The following ZNHIT1 variants were observed in gnomAD, a reference collection of about 807,000 sequenced individuals.
ZNHIT1 encodes zinc finger HIT domain-containing protein 1.
A neutral mutation model predicts 21.4 loss-of-function variants in ZNHIT1; 20 were observed. The observed-to-expected ratio is 0.93, with a 90% CI of 0.66 to 1.36. The LOEUF (loss-of-function observed/expected upper bound fraction) is 1.36. Ranked by LOEUF, ZNHIT1 falls within the 40% of genes most tolerant of loss-of-function variation. The probability of loss-of-function intolerance (pLI) is 0.00; values close to 1 mark genes in which losing one functional copy is unlikely to be tolerated. For missense variants in ZNHIT1, 170 were observed against 213.5 expected, an observed-to-expected ratio of 0.80 and a Z score of 1.27; for synonymous variants, 79 against 84.0, an observed-to-expected ratio of 0.94 and a Z score of 0.32.
In ZNHIT1 at chr7:101,222,362, G is replaced by T. The variant is rs1170712469; in HGVS notation, c.23-242G>T. 4 of 504,144 alleles carry T rather than the reference G, an allele frequency of 7.9e-6. No homozygotes were observed. The South Asian group carries it at 1.3e-4, about 17-fold the overall frequency. The allele number at this position is 504,144 out of a possible 1,614,324, so 31.2% of individuals were successfully genotyped here. The stretch of plus-strand genomic sequence containing the variant: ...GGCCGGGGCTCACTGGCTGGGACTG[G>T]GATTGAGAGGAAGGCGGAGAAAACA... On this transcript the variant is annotated intron_variant, in intron 1 of 4. Coordinates refer to ENST00000305105, the MANE Select transcript of ZNHIT1 (RefSeq NM_006349.3).
At position 101,223,504 on chromosome 7, in the gene ZNHIT1, A is replaced by T. The variant is rs1562899760; in HGVS notation, c.221A>T (p.Asp74Val). Residue 74 changes from aspartate to valine, a missense_variant, in exon 3 of 5, where the codon GAT becomes GTT. Transcript: ENST00000305105. ...AAGAAAAAGAAGAAAACCCGAGGTGATCATTTTAAACTTCGCTTCCGAAAA... is the reference window on the plus strand; with the variant it reads ...AAGAAAAAGAAGAAAACCCGAGGTGTTCATTTTAAACTTCGCTTCCGAAAA... ...TGKKKKKTRG[D>V]HFKLRFRKNF... 6.2e-7 allele frequency: 1 copy of T among 1,614,220 alleles called. No individual in the cohort carries two copies. Among genetic ancestry groups the T allele is most frequent in the African/African-American group, 1.3e-5 (1 of 75,060 alleles).
Position 101,218,497 on chromosome 7 carries a change from A to G in ZNHIT1, c.22+280A>G, listed in dbSNP as rs1211188896. On this transcript the variant is annotated intron_variant, in intron 1 of 4. Coordinates refer to ENST00000305105, the MANE Select transcript of ZNHIT1 (RefSeq NM_006349.3). ...GCTATGTTGCCCAGGTTGGTCTCCAACTCTTGGCCTCAAAGCGATCCTCCT... is the reference window on the plus strand; with the variant it reads ...GCTATGTTGCCCAGGTTGGTCTCCAGCTCTTGGCCTCAAAGCGATCCTCCT... 18 of 459,024 alleles carry G rather than the reference A, an allele frequency of 3.9e-5. No individual in the cohort carries two copies. In the East Asian group the frequency reaches 6.1e-4, roughly 15 times the overall value. 28.4% of individuals were successfully genotyped at this position (459,024 alleles called of 1,614,324 possible). A position where few individuals can be genotyped will look rare whatever the true frequency, so the allele number is the denominator to read the frequency against.
In ZNHIT1 at chr7:101,224,014, A is replaced by G. The variant is rs12410; in HGVS notation, c.*56A>G. On this transcript the variant is annotated 3_prime_UTR_variant, in exon 5 of 5. Coordinates refer to ENST00000305105, the MANE Select transcript of ZNHIT1 (RefSeq NM_006349.3). Reference sequence around the variant, plus strand: ...TGTGCACTGCCCGGCCTTCAGAAAGACAGAATTTCATCACCCAATGCAGGG... The same window carrying G: ...TGTGCACTGCCCGGCCTTCAGAAAGGCAGAATTTCATCACCCAATGCAGGG... 0.06 allele frequency: 96,211 copies of G among 1,613,364 alleles called. 3,134 individuals are homozygous for G. Among genetic ancestry groups the G allele is most frequent in the Non-Finnish European group, 0.067 (79,577 of 1,179,678 alleles).
chr7:101,218,179 A>AG lies in ZNHIT1; in HGVS notation c.-17_-16insG, dbSNP rs1798315462. On this transcript the variant is annotated 5_prime_UTR_variant, in exon 1 of 5. Coordinates refer to ENST00000305105, the MANE Select transcript of ZNHIT1 (RefSeq NM_006349.3). ...TACGCGTGCGCAGCAGTTTCTTCCG[A>AG]CAGTTGTGTTGTGCCAATGGTGGAG... 2 of 1,612,286 alleles carry AG rather than the reference A, an allele frequency of 1.2e-6. No individual in the cohort carries two copies. The highest frequency in any genetic ancestry group is 2.7e-5 in the African/African-American group (2 of 74,818).
Position 101,224,057 on chromosome 7 carries a change from A to G in ZNHIT1, c.*99A>G. On this transcript the variant is annotated 3_prime_UTR_variant, in exon 5 of 5. Transcript: ENST00000305105. Reference sequence around the variant, plus strand: ...ATGCAGGGGGAGCTCTTCCTGGACCAAGGGAGGAGCCGCTCATTCACCCAA... The same window carrying G: ...ATGCAGGGGGAGCTCTTCCTGGACCGAGGGAGGAGCCGCTCATTCACCCAA... 9 of 1,559,706 alleles carry G rather than the reference A, an allele frequency of 5.8e-6. No individual in the cohort carries two copies. Among genetic ancestry groups the G allele is most frequent in the Non-Finnish European group, 7.9e-6 (9 of 1,136,560 alleles).
Position 101,223,559 on chromosome 7 carries a change from G to A in ZNHIT1, c.273+3G>A. The A allele has an allele frequency of 6.2e-7, 1 of 1,614,212 alleles. No homozygotes were observed. The highest frequency in any genetic ancestry group is 1.1e-5 in the South Asian group (1 of 91,084). On this transcript the variant is annotated splice_donor_region_variant and intron_variant, in intron 3 of 4. Transcript: ENST00000305105. The stretch of plus-strand genomic sequence containing the variant: ...TTCAGGCCCTGTTGGAGGAGCAGGT[G>A]AGAGGAGGGTCGGCCTGGGAGGACC...
At chr7:101,223,346 C>T (rs1275816424) in intron 2 of ZNHIT1, 131 bp from the exon 3 acceptor site, 5 of 1,013,224 alleles carry the variant, frequency 4.9e-6, no homozygotes, top group Non-Finnish European at 7.4e-6. Context: ...CACTGCACTC[C>T]AGCCTGGGTG....
chr7:101,223,341 C>T (rs1798402978), intron 2 of ZNHIT1, 136 bp from the exon 3 acceptor site: 2 of 945,434 alleles, frequency 2.1e-6, no homozygotes, highest in Admixed American at 2.1e-5. Flanking sequence ...CGCACCACTG[C>T]ACTCCAGCCT....
chr7:101,223,115 G>C (rs1350605604), intron 2 of ZNHIT1, among the ~76,000 whole-genome samples: 1 of 152,194 alleles, frequency 6.6e-6, no homozygotes, highest in East Asian at 1.9e-4. Context: ...GCTCACGCCT[G>C]TAATCCCAGC....
chr7:101,219,167 C>T (rs1364697333), intron 1 of ZNHIT1: 2 of 151,880 alleles, frequency 1.3e-5, no homozygotes, highest in Non-Finnish European at 2.9e-5. Context: ...TGCAGTGGTT[C>T]TATATAACTC....
At chr7:101,220,367 C>A (rs1798351145) in intron 1 of ZNHIT1, 1 of 151,896 alleles carries the variant, frequency 6.6e-6, no homozygotes, top group Non-Finnish European at 1.5e-5. Context: ...AACAATCCAC[C>A]CACCTTGGCC....
intron 2 of ZNHIT1, 127 bp from the exon 3 acceptor site, chr7:101,223,350 C>G (rs1326154514): frequency 3.9e-6 from 4 of 1,033,480 alleles, no homozygotes; most frequent in Middle Eastern, 2.6e-4. Flanking sequence ...GCACTCCAGC[C>G]TGGGTGACAG....
At chr7:101,218,799 G>A (rs959446031) in intron 1 of ZNHIT1, 1 of 152,908 alleles carries the variant, frequency 6.5e-6, no homozygotes, top group African/African-American at 2.4e-5. Flanking sequence ...GAAGCACAGC[G>A]CCTGGGAACA....
rs1584261706 is a variant in ZNHIT1 at position 101,224,143 on chromosome 7, T to G, written c.*185T>G. ...TCACTCCTGGGAACTGTCTGGCAGG[T>G]AGGCTGGGCCCCCCAGTGCTGTTAG... On this transcript the variant is annotated 3_prime_UTR_variant, in exon 5 of 5. Transcript: ENST00000305105. 1.2e-6 allele frequency: 1 copy of G among 867,596 alleles called. No homozygotes were observed. The highest frequency in any genetic ancestry group is 2.6e-5 in the East Asian group (1 of 38,336). The allele number at this position is 867,596 out of a possible 1,614,324, so 53.7% of individuals were successfully genotyped here.
In ZNHIT1 at chr7:101,223,728, C is replaced by A. The variant is rs752727634; in HGVS notation, c.329C>A (p.Ser110Ter). Reference protein sequence around the residue: ...NYLTACAGPPSRPQRPFCAVC... With the variant: ...NYLTACAGPP ...CTGACGGCCTGTGCGGGACCCCCAT[C>A]GCGGCCCCAGCGCCCCTTCTGTGCT... Residue 110 changes from serine to a stop codon, truncating the protein, a stop_gained, in exon 4 of 5, where the codon TCG becomes TAG. Transcript: ENST00000305105. LOFTEE classifies it high-confidence loss of function. 6.2e-7 allele frequency: 1 copy of A among 1,613,442 alleles called. No individual in the cohort carries two copies. The highest frequency in any genetic ancestry group is 1.7e-5 in the Admixed American group (1 of 59,926).
At chr7:101,219,589 GCTTAT>G in intron 1 of ZNHIT1, 1 of 151,624 alleles carries the variant, frequency 6.6e-6, no homozygotes, top group South Asian at 2.1e-4. Flanking sequence ...ACCACACCCA[GCTTAT>G]CTTTTGTATT....
At position 101,223,568 on chromosome 7, in the gene ZNHIT1, G is replaced by T; in HGVS notation, c.273+12G>T. ...TGTTGGAGGAGCAGGTGAGAGGAGG[G>T]TCGGCCTGGGAGGACCCCACAGGGA... On this transcript the variant is annotated intron_variant, in intron 3 of 4. Coordinates refer to ENST00000305105, the MANE Select transcript of ZNHIT1 (RefSeq NM_006349.3). 6.2e-7 allele frequency: 1 copy of T among 1,614,186 alleles called. No individual in the cohort carries two copies. The highest frequency in any genetic ancestry group is 8.5e-7 in the Non-Finnish European group (1 of 1,180,032).
At chr7:101,223,635 G>C in intron 3 of ZNHIT1, 38 bp from the exon 4 acceptor site, 1 of 1,613,120 alleles carries the variant, frequency 6.2e-7, no homozygotes, top group African/African-American at 1.3e-5. Flanking sequence ...TGCGTGGGTG[G>C]GCGGAGGAGT....
intron 2 of ZNHIT1, among the ~76,000 whole-genome samples, chr7:101,223,205 C>T (rs944645859): frequency 6.6e-6 from 1 of 152,156 alleles, no homozygotes; most frequent in African/African-American, 2.4e-5. Context: ...AACCCCATCT[C>T]TACTAAAAAT....
Sources: gnomAD v4.1 joint callset for allele counts (sites outside exome capture counted in the v4.1 genomes callset) on GRCh38, gnomAD v4.1.1 for gene constraint, MANE v1.5 for transcripts, NCBI Gene and HGNC (gene_info 2026-07-23, HGNC 2026-07-21) for gene names.